Variants in PER2 observed in about 807,000 individuals in gnomAD.
The protein encoded by PER2 is period circadian protein homolog 2.
In PER2, 66 loss-of-function variants were observed where a neutral mutation model predicts 121.0. The ratio of observed to expected loss-of-function variants is 0.55; its 90% CI spans 0.45 to 0.67. The LOEUF is 0.67. Ranked by LOEUF, PER2 falls within the 30% of genes least tolerant of loss-of-function variation. The pLI is 0.00. For missense variants in PER2, 1,521 were observed against 1,635.0 expected (o/e 0.93, Z 1.20); for synonymous variants, 684 against 659.9 (o/e 1.04, Z -0.56).
rs372181874 is a variant in PER2, at chr2:238,266,104, C to T, written c.968-514G>A. ...ATTTTTAGTTGAGGTGGGGTTTCACCGTGTTGGCCAGGATGGTCTCGATCT... is the reference window on the plus strand; with the variant it reads ...ATTTTTAGTTGAGGTGGGGTTTCACTGTGTTGGCCAGGATGGTCTCGATCT... On this transcript the variant is annotated intron_variant, in intron 8 of 22. Transcript: ENST00000254657. Among the ~76,000 whole-genome samples, 162 of 152,042 alleles carry T rather than the reference C, an allele frequency of 1.1e-3. 1 individual carries two copies. Among genetic ancestry groups the T allele is most frequent in the East Asian group, 2.5e-3 (13 of 5,162 alleles).
chr2:238,248,961 T>C, intron 22 of PER2, 101 bp downstream of exon 22: 1 of 1,338,810 alleles, frequency 7.5e-7, no homozygotes, highest in Non-Finnish European at 1.1e-6. Context: ...GGCCTAATTT[T>C]AGAAGTTTTA....
At chr2:238,251,804 C>T (rs544821636) in intron 19 of PER2, 43 bp from the exon 20 acceptor site, 35 of 1,069,830 alleles carry the variant, frequency 3.3e-5, no homozygotes, top group Admixed American at 1.4e-4. Flanking sequence ...GGGGCTCAGT[C>T]AGGACACAGC....
At chr2:238,275,136 A>G (rs1040191886) in intron 4 of PER2, among the ~76,000 whole-genome samples, 1 of 152,198 alleles carries the variant, frequency 6.6e-6, no homozygotes, top group Non-Finnish European at 1.5e-5. Context: ...TAAGCCTCTC[A>G]GATTTTTCTA....
At chr2:238,247,757 A>C (rs927713308) in intron 22 of PER2, among the ~76,000 whole-genome samples, 1 of 152,312 alleles carries the variant, frequency 6.6e-6, no homozygotes, top group East Asian at 1.9e-4. Flanking sequence ...AGAGGAGGGA[A>C]GGAGAGGAAA....
rs546648997 is a variant in PER2 at position 238,261,948 on chromosome 2, C to A, written c.1308-111G>T. On this transcript the variant is annotated intron_variant, in intron 11 of 22. Transcript: ENST00000254657. ...CCTGGGTGGGCCCTCTGCCTCTCCC[C>A]TGCAGCCCCCCAGGCTGCTGCCTGT... The A allele has an allele frequency of 1.3e-5, 10 of 789,738 alleles. No individual in the cohort carries two copies. The South Asian group carries it at 1.6e-4, about 13-fold the overall frequency. 48.9% of individuals were successfully genotyped at this position (789,738 alleles called of 1,614,324 possible). A position where few individuals can be genotyped will look rare whatever the true frequency, so the allele number is the denominator to read the frequency against.
rs1389738384 is a variant in PER2, at chr2:238,262,342, G to T, written c.1156C>A (p.Leu386Met). 6.2e-7 allele frequency: 1 copy of T among 1,614,034 alleles called. No individual in the cohort carries two copies. Among genetic ancestry groups the T allele is most frequent in the East Asian group, 2.2e-5 (1 of 44,870 alleles). ...PLMLAIHKKI[L>M]QSGGQPFDYS... ...TCGAAAGGCTGCCCGCCTGACTGCA[G>T]GACTAGGAGAGCAAAAGCCAGCATT... The change falls in exon 11 of 23, where the codon CTG becomes ATG. Residue 386 changes from leucine to methionine, a missense_variant and splice_region_variant. Leu to Met is a conservative substitution (Grantham distance 15). Coordinates refer to ENST00000254657, the MANE Select transcript of PER2 (RefSeq NM_022817.3).
At position 238,262,260 on chromosome 2, in the gene PER2, C is replaced by T. The variant is rs1290802114; in HGVS notation, c.1238G>A (p.Ser413Asn). ...RNGEYITLDT[S>N]WSSFINPWSR... ...CCATGGGTTGATGAAGCTGGACCAG[C>T]TGGTGTCCAACGTGATGTACTCTCC... The change falls in exon 11 of 23, where the codon AGC becomes AAC. Residue 413 changes from serine (S) to asparagine (N), a missense_variant. By Grantham distance (46) the Ser-to-Asn change is conservative. Coordinates refer to ENST00000254657, the MANE Select transcript of PER2 (RefSeq NM_022817.3). 3 of 1,614,028 alleles carry T rather than the reference C, an allele frequency of 1.9e-6. No individual in the cohort carries two copies. The highest frequency in any genetic ancestry group is 3.3e-5 in the Admixed American group (2 of 60,020).
rs539390923 is a variant in PER2 at position 238,252,279 on chromosome 2, C to A, written c.3112-518G>T. Among the ~76,000 whole-genome samples the A allele has an allele frequency of 6.6e-6, 1 of 152,382 alleles. No individual in the cohort carries two copies. The highest frequency in any genetic ancestry group is 2.1e-4 in the South Asian group (1 of 4,830). ...AGCTCCACAGATCTACATGCTTGCACTTCCTCACCCGGGAGCCCTAGGTCC... is the reference window on the plus strand; with the variant it reads ...AGCTCCACAGATCTACATGCTTGCAATTCCTCACCCGGGAGCCCTAGGTCC... On this transcript the variant is annotated intron_variant, in intron 19 of 22. Transcript: ENST00000254657. This position sits in a 1 kb window ranked among gnomAD's most constrained non-coding sequence, Gnocchi z 4.2.
At position 238,268,021 on chromosome 2, in the gene PER2, A is replaced by T; in HGVS notation, c.967+35T>A. ...AGGAGTAACTGAGGGGGAGCCAGAG[A>T]CAACATCTGCCCTCGCCCTGGGCTT... On this transcript the variant is annotated intron_variant, in intron 8 of 22. Coordinates refer to ENST00000254657, the MANE Select transcript of PER2 (RefSeq NM_022817.3). The surrounding 1 kb of genome is among the most constrained non-coding windows in gnomAD (Gnocchi z 4.0). 1 of 1,611,366 alleles carries T rather than the reference A, an allele frequency of 6.2e-7. No homozygotes were observed.
chr2:238,255,722 C>T lies in PER2; in HGVS notation c.2255G>A (p.Ser752Asn). ...GTAATGGCAGTGGGACTGGAAAATG[C>T]TGAGTTTTCTTATTTCTTTGAACTT... ...LQKFKEIRKL[S>N]IFQSHCHYYL... The change falls in exon 18 of 23, where the codon AGC becomes AAC. Residue 752 changes from serine (S) to asparagine (N), a missense_variant. Ser to Asn is a conservative substitution (Grantham distance 46). Transcript: ENST00000254657. The T allele has an allele frequency of 6.2e-7, 1 of 1,614,198 alleles. No homozygotes were observed. Among genetic ancestry groups the T allele is most frequent in the African/African-American group, 1.3e-5 (1 of 75,062 alleles).
rs1559324846 is a variant in PER2, at chr2:238,255,838, G to A, written c.2139C>T (p.Leu713=). The change falls in exon 18 of 23, where the codon CTC becomes CTT. Residue 713 remains leucine, a synonymous_variant. Transcript: ENST00000254657. ...CLAGPALACG[L]SQEKEPFKKL... The stretch of plus-strand genomic sequence containing the variant: ...TCTTGAAGGGCTCCTTCTCTTGGCT[G>A]AGACCACAGGCCAGGGCAGGGCCCG... 6.2e-7 allele frequency: 1 copy of A among 1,614,200 alleles called. No homozygotes were observed. The highest frequency in any genetic ancestry group is 8.5e-7 in the Non-Finnish European group (1 of 1,180,030).
intron 8 of PER2, among the ~76,000 whole-genome samples, chr2:238,265,835 G>C (rs1696077881): frequency 6.6e-6 from 1 of 151,708 alleles, no homozygotes; most frequent in Non-Finnish European, 1.5e-5. Context: ...AAACTGCCGT[G>C]TTAACAAAAC....
rs775561359 is a variant in PER2 at position 238,253,178 on chromosome 2, A to G, written c.2845T>C (p.Phe949Leu). The G allele has an allele frequency of 2.5e-6, 4 of 1,591,152 alleles. No individual in the cohort carries two copies. The highest frequency in any genetic ancestry group is 2.6e-6 in the Non-Finnish European group (3 of 1,166,022). The change falls in exon 19 of 23, where the codon TTC becomes CTC. Residue 949 changes from phenylalanine to leucine, a missense_variant. Coordinates refer to ENST00000254657, the MANE Select transcript of PER2 (RefSeq NM_022817.3). This position sits in a 1 kb window ranked among gnomAD's most constrained non-coding sequence, Gnocchi z 5.6. ...SEMASASQPE[F>L]PSRTSIPRQP... ...CTGGGGATCGAGGTCCGGCTGGGGA[A>G]CTCAGGCTGTGAGGCAGAGGCCATC...
intron 17 of PER2, 58 bp downstream of exon 17, chr2:238,256,864 T>G: frequency 6.4e-7 from 1 of 1,558,980 alleles, no homozygotes; most frequent in Non-Finnish European, 8.8e-7. Flanking sequence ...ATGGCAAACT[T>G]CTTGTTTTCA....
Position 238,255,777 on chromosome 2 carries a change from T to G in PER2, c.2200A>C (p.Thr734Pro). ...AGGAAGCTCTGCTCCTCCTTCTGTG[T>G]GTGTGCAGCGAGTACCTCCTTGGTG... is the stretch of plus-strand genomic sequence containing the variant. ...GLTKEVLAAHTQKEEQSFLQK... is the reference protein window; with the variant it reads ...GLTKEVLAAHPQKEEQSFLQK... Residue 734 changes from threonine to proline, a missense_variant, in exon 18 of 23, where the codon ACA becomes CCA. Transcript: ENST00000254657. 6.2e-7 allele frequency: 1 copy of G among 1,614,228 alleles called. No homozygotes were observed. The highest frequency in any genetic ancestry group is 1.3e-5 in the African/African-American group (1 of 75,060).
chr2:238,262,712 G>A (rs568042706), intron 10 of PER2, among the ~76,000 whole-genome samples: 13 of 152,124 alleles, frequency 8.5e-5, no homozygotes, highest in African/African-American at 2.7e-4. Context: ...AAGATGCTAC[G>A]GACTCAGGCC....
At chr2:238,283,581 C>T (rs753341545) in intron 1 of PER2, among the ~76,000 whole-genome samples, 18 of 152,330 alleles carry the variant, frequency 1.2e-4, no homozygotes, top group Non-Finnish European at 2.4e-4. Context: ...GAGCGGGCAG[C>T]GGTAGGAGGG....
intron 6 of PER2, among the ~76,000 whole-genome samples, chr2:238,270,544 C>G (rs565392149): frequency 6.6e-6 from 1 of 152,330 alleles, no homozygotes; most frequent in Non-Finnish European, 1.5e-5. Flanking sequence ...CTTGGAAAGG[C>G]CCCTGAGAAT....
In PER2 at chr2:238,268,272, C is replaced by G. The variant is rs550742608; in HGVS notation, c.825-74G>C. The G allele has an allele frequency of 2.7e-6, 4 of 1,494,572 alleles. No homozygotes were observed. The Admixed American group carries it at 6.9e-5, about 26-fold the overall frequency. The allele number at this position is 1,494,572 out of a possible 1,614,324, so 92.6% of individuals were successfully genotyped here. Reference sequence around the variant, plus strand: ...GTCCCCTGTTCTGTTCCCTCCTCACCTGGGCCCCATGCCATGCTGCAGGTG... The same window carrying G: ...GTCCCCTGTTCTGTTCCCTCCTCACGTGGGCCCCATGCCATGCTGCAGGTG... On this transcript the variant is annotated intron_variant, in intron 7 of 22. Coordinates refer to ENST00000254657, the MANE Select transcript of PER2 (RefSeq NM_022817.3). This position sits in a 1 kb window ranked among gnomAD's most constrained non-coding sequence, Gnocchi z 4.0.
Sources: allele counts gnomAD v4.1 joint callset (sites outside exome capture counted in the v4.1 genomes callset), GRCh38; gene constraint gnomAD v4.1.1; non-coding constraint Gnocchi (gnomAD v3.1); transcripts MANE v1.5; gene names NCBI Gene and HGNC (gene_info 2026-07-23, HGNC 2026-07-21).